Variants in BICD1 observed in about 807,000 individuals in gnomAD.
BICD1 encodes BICD cargo adaptor 1, also known as protein bicaudal D homolog 1.
BICD1 carries 35 observed loss-of-function variants against 92.5 expected under a neutral mutation model. That is an observed-to-expected ratio of 0.38 (90% CI 0.29 to 0.50). The LOEUF is 0.50. Among genes scored for constraint, BICD1 ranks in the 20% least tolerant of loss-of-function variants. The pLI, the probability that BICD1 is intolerant of heterozygous loss-of-function variation, is 0.93. For missense variants in BICD1, 950 were observed against 1,189.8 expected (o/e 0.80, Z 2.97); for synonymous variants, 429 against 465.1 (o/e 0.92, Z 1.00).
chr12:32,118,007 C>T (rs1052530397), intron 1 of BICD1, among the ~76,000 whole-genome samples: 1 of 151,556 alleles, frequency 6.6e-6, no homozygotes, highest in Non-Finnish European at 1.5e-5. Flanking sequence ...GCCTCGGCCT[C>T]CCAAAGTGCT....
At chr12:32,306,989 T>A (rs1052919455) in intron 4 of BICD1, among the ~76,000 whole-genome samples, 1 of 151,162 alleles carries the variant, frequency 6.6e-6, no homozygotes, top group African/African-American at 2.4e-5. Context: ...CACTCCAGCC[T>A]GGGCAACAAG....
intron 1 of BICD1, among the ~76,000 whole-genome samples, chr12:32,154,358 A>G (rs1407516350): frequency 6.6e-6 from 1 of 152,166 alleles, no homozygotes; most frequent in African/African-American, 2.4e-5. Context: ...TTGGTTAAGA[A>G]TCACTGCTCT....
chr12:32,231,852 C>T lies in BICD1; in HGVS notation c.426+15393C>T, dbSNP rs1483544213. 6.2e-4 allele frequency among the ~76,000 whole-genome samples: 93 copies of T among 149,894 alleles called. 2 individuals are homozygous for T. In the South Asian group the frequency reaches 0.02, roughly 32 times the overall value. ...AATATGCAGTGTTTGTTTTTTTGTT[C>T]TTGTGATAGTTTACTGAGAATGATG... On this transcript the variant is annotated intron_variant, in intron 2 of 9. Transcript: ENST00000652176.
At chr12:32,200,770 A>C (rs1249460583) in intron 1 of BICD1, among the ~76,000 whole-genome samples, 1 of 152,012 alleles carries the variant, frequency 6.6e-6, no homozygotes, top group African/African-American at 2.4e-5. Context: ...TGATTTTCAG[A>C]CTGAGGCAGT....
intron 2 of BICD1, among the ~76,000 whole-genome samples, chr12:32,292,695 G>T (rs960279769): frequency 3.9e-5 from 6 of 151,922 alleles, no homozygotes; most frequent in Non-Finnish European, 7.4e-5. Flanking sequence ...TATTTTTTTC[G>T]CATATGGATA....
chr12:32,248,130 C>T (rs898581758), intron 2 of BICD1, among the ~76,000 whole-genome samples: 1 of 152,100 alleles, frequency 6.6e-6, no homozygotes, highest in Non-Finnish European at 1.5e-5. Flanking sequence ...ACCTCTGTCT[C>T]CTAGAGCAGT....
At chr12:32,112,815 G>A (rs1181781244) in intron 1 of BICD1, among the ~76,000 whole-genome samples, 2 of 152,008 alleles carry the variant, frequency 1.3e-5, no homozygotes, top group Admixed American at 1.3e-4. Context: ...AATTCAGAGG[G>A]CTTACTGCTC....
intron 2 of BICD1, among the ~76,000 whole-genome samples, chr12:32,253,775 AT>A: frequency 6.6e-6 from 1 of 152,126 alleles, no homozygotes; most frequent in East Asian, 1.9e-4. Context: ...TTCATGCTGT[AT>A]CTCACCTGTC....
At chr12:32,339,887 T>C (rs1267363282) in intron 8 of BICD1, 2 of 936,146 alleles carry the variant, frequency 2.1e-6, no homozygotes, top group South Asian at 4.9e-5. Flanking sequence ...TTTTGGAAGA[T>C]TCTGAATATC....
At chr12:32,146,623 G>GT (rs1292056739) in intron 1 of BICD1, among the ~76,000 whole-genome samples, 1 of 152,188 alleles carries the variant, frequency 6.6e-6, no homozygotes, top group Non-Finnish European at 1.5e-5. Flanking sequence ...AGGAAAAGAG[G>GT]TACAGATGGA....
intron 6 of BICD1, among the ~76,000 whole-genome samples, chr12:32,336,438 G>A (rs958591405): frequency 4.6e-5 from 7 of 152,072 alleles, no homozygotes; most frequent in Admixed American, 4.6e-4. Flanking sequence ...GTTTTTGCAG[G>A]GTTTTCTGTT....
Position 32,328,643 on chromosome 12 carries a change from A to C in BICD1, c.2100+88A>C. On this transcript the variant is annotated intron_variant, in intron 5 of 9. Coordinates refer to ENST00000652176, the MANE Select transcript of BICD1 (RefSeq NM_001714.4). This position sits in a 1 kb window ranked among gnomAD's most constrained non-coding sequence, Gnocchi z 4.4. ...ATTTTATTGAGTATCGAGTATCGTC[A>C]AGATGAGAGTTCAGATTCTTGGTAA... 5 of 1,492,542 alleles carry C rather than the reference A, an allele frequency of 3.3e-6. No individual in the cohort carries two copies. The highest frequency in any genetic ancestry group is 4.5e-6 in the Non-Finnish European group (5 of 1,114,934). The allele number at this position is 1,492,542 out of a possible 1,614,324, so 92.5% of individuals were successfully genotyped here.
At chr12:32,371,108 T>C (rs906634804) in intron 9 of BICD1, among the ~76,000 whole-genome samples, 2 of 152,170 alleles carry the variant, frequency 1.3e-5, no homozygotes, top group African/African-American at 4.8e-5. Flanking sequence ...CTGAGATTAA[T>C]AAATTTAGGT....
At chr12:32,117,758 A>AT (rs1180018434) in intron 1 of BICD1, among the ~76,000 whole-genome samples, 1,951 of 107,742 alleles carry the variant, frequency 0.018, 38 homozygotes, top group Non-Finnish European at 0.027. Flanking sequence ...ATATATATAT[A>AT]TTTTTTTTTA....
intron 1 of BICD1, among the ~76,000 whole-genome samples, chr12:32,158,565 T>C (rs1469096724): frequency 6.6e-6 from 1 of 152,254 alleles, no homozygotes; most frequent in African/African-American, 2.4e-5. Flanking sequence ...TATTAGCTAT[T>C]CTTTTTCTTG....
chr12:32,117,183 G>C (rs1941946327), intron 1 of BICD1, among the ~76,000 whole-genome samples: 1 of 152,118 alleles, frequency 6.6e-6, no homozygotes, highest in Admixed American at 6.6e-5. Flanking sequence ...AAAGGGAGAA[G>C]CTAGTGAGCC....
intron 3 of BICD1, among the ~76,000 whole-genome samples, chr12:32,297,342 G>A (rs573084773): frequency 6.6e-4 from 100 of 152,104 alleles, no homozygotes; most frequent in African/African-American, 2.0e-3. Flanking sequence ...GATTACAGGC[G>A]TGTGCCACCA....
chr12:32,280,537 T>C (rs1256888105), intron 2 of BICD1, among the ~76,000 whole-genome samples: 4 of 152,236 alleles, frequency 2.6e-5, no homozygotes, highest in Non-Finnish European at 4.4e-5. Context: ...TCTCAGGTGA[T>C]AAAGATGTTC....
intron 1 of BICD1, among the ~76,000 whole-genome samples, chr12:32,148,385 G>C (rs1165767498): frequency 6.6e-6 from 1 of 152,122 alleles, no homozygotes; most frequent in Non-Finnish European, 1.5e-5. Context: ...GTCTGCCTTT[G>C]AGCAGAGAAT....
Sources: gnomAD v4.1 joint callset for allele counts (sites outside exome capture counted in the v4.1 genomes callset) on GRCh38, gnomAD v4.1.1 for gene constraint, Gnocchi (gnomAD v3.1) non-coding constraint, MANE v1.5 for transcripts, NCBI Gene and HGNC (gene_info 2026-07-23, HGNC 2026-07-21) for gene names.